Variants in NRG3 observed in about 807,000 individuals in gnomAD.
NRG3 encodes the protein neuregulin 3.
Under a neutral mutation model 66.9 loss-of-function variants are expected in NRG3, and 31 were observed. The ratio of observed to expected loss-of-function variants is 0.46; its 90% confidence interval spans 0.35 to 0.63. The LOEUF is 0.63. Among genes scored for constraint, NRG3 ranks in the 20% least tolerant of loss-of-function variants. NRG3 has a pLI of 0.00. For missense variants in NRG3, 910 were observed against 878.9 expected (o/e 1.04, Z -0.45); for synonymous variants, 393 against 359.4 (o/e 1.09, Z -1.06).
intron 2 of NRG3, among the ~76,000 whole-genome samples, chr10:82,471,292 C>T (rs921686401): frequency 3.9e-5 from 6 of 152,118 alleles, no homozygotes; most frequent in African/African-American, 1.2e-4. Context: ...CCCCTACAAA[C>T]GGTCCGAACT....
chr10:82,635,195 A>G (rs1246194786), intron 2 of NRG3, among the ~76,000 whole-genome samples: 1 of 152,112 alleles, frequency 6.6e-6, no homozygotes, highest in African/African-American at 2.4e-5. Context: ...GTCTTTTACT[A>G]CCACCTTCGT....
rs1432057043 is a variant in NRG3 at position 82,467,252 on chromosome 10, G to T, written c.953+108384G>T. ...CTACTCAAACATTTGCTATTATGAT[G>T]TGGCAGGGAAAATTGTGAAGTATTA... On this transcript the variant is annotated intron_variant, in intron 2 of 8. Transcript: ENST00000372141. Among the ~76,000 whole-genome samples, 5 of 152,150 alleles carry T rather than the reference G, an allele frequency of 3.3e-5. No homozygotes were observed. In the East Asian group the frequency reaches 7.7e-4, roughly 23 times the overall value.
At chr10:81,978,264 G>C (rs1242049846) in intron 1 of NRG3, among the ~76,000 whole-genome samples, 4 of 152,120 alleles carry the variant, frequency 2.6e-5, no homozygotes, top group Non-Finnish European at 5.9e-5. Context: ...TATAGATTTT[G>C]ATAGTGGGAT....
rs1182879064 is a variant in NRG3, at chr10:82,050,728, C to T, written c.823+174565C>T. 2.7e-5 allele frequency among the ~76,000 whole-genome samples: 4 copies of T among 149,952 alleles called. 1 individual carries two copies. Among genetic ancestry groups the T allele is most frequent in the African/African-American group, 9.7e-5 (4 of 41,136 alleles). On this transcript the variant is annotated intron_variant, in intron 1 of 8. Transcript: ENST00000372141. ...GGCTGCCAACCAGGTACCACTTTAACCACCAAGACTCTGATAATGTCTCGT... is the reference window on the plus strand; with the variant it reads ...GGCTGCCAACCAGGTACCACTTTAATCACCAAGACTCTGATAATGTCTCGT...
intron 2 of NRG3, among the ~76,000 whole-genome samples, chr10:82,399,691 C>T (rs911198539): frequency 3.3e-5 from 5 of 152,144 alleles, no homozygotes; most frequent in South Asian, 2.1e-4. Flanking sequence ...ACAAAAGCTT[C>T]GCCTCTTAGT....
chr10:81,910,265 CT>C (rs758944878), intron 1 of NRG3, among the ~76,000 whole-genome samples: 18 of 152,262 alleles, frequency 1.2e-4, no homozygotes, highest in Non-Finnish European at 2.2e-4. Flanking sequence ...TCAGCTCTAG[CT>C]TGCAGAGAAG....
chr10:81,989,270 G>A (rs993836506), intron 1 of NRG3, among the ~76,000 whole-genome samples: 1 of 152,070 alleles, frequency 6.6e-6, no homozygotes, highest in Non-Finnish European at 1.5e-5. Flanking sequence ...AACTTGCTAA[G>A]TATACAGTTG....
chr10:82,358,143 G>A (rs1267526683), intron 1 of NRG3, among the ~76,000 whole-genome samples: 2 of 152,056 alleles, frequency 1.3e-5, no homozygotes, highest in Non-Finnish European at 2.9e-5. Flanking sequence ...GGCAATAATT[G>A]GTCCTGTTAA....
Position 82,899,823 on chromosome 10 carries a change from G to A in NRG3, c.1054+34386G>A, listed in dbSNP as rs115455322. The stretch of plus-strand genomic sequence containing the variant: ...TCCTCAAGTACTAATAGGCAGGTCT[G>A]CTCTAAGAATAGTAGAAGGTAGAAG... On this transcript the variant is annotated intron_variant, in intron 4 of 8. Transcript: ENST00000372141. Among the ~76,000 whole-genome samples, 1,048 of 152,254 alleles carry A rather than the reference G, an allele frequency of 6.9e-3. 13 individuals are homozygous for A. The highest frequency in any genetic ancestry group is 0.024 in the African/African-American group (987 of 41,534).
chr10:82,485,393 T>C (rs1055149464), intron 2 of NRG3, among the ~76,000 whole-genome samples: 1 of 151,222 alleles, frequency 6.6e-6, no homozygotes, highest in Non-Finnish European at 1.5e-5. Flanking sequence ...TGTCAATAGA[T>C]TTTAGCACCA....
intron 6 of NRG3, among the ~76,000 whole-genome samples, chr10:82,971,297 C>G (rs539883595): frequency 2.0e-5 from 3 of 152,182 alleles, no homozygotes; most frequent in East Asian, 3.9e-4. Flanking sequence ...TTCTCTTTAT[C>G]AAAATCTAAA....
chr10:82,047,014 A>G (rs2063331632), intron 1 of NRG3, among the ~76,000 whole-genome samples: 1 of 126,390 alleles, frequency 7.9e-6, no homozygotes, highest in Non-Finnish European at 1.9e-5. Context: ...CATCAAGGAT[A>G]TTGGTCTAAA....
chr10:82,048,244 A>C (rs1239887535), intron 1 of NRG3, among the ~76,000 whole-genome samples: 2 of 152,004 alleles, frequency 1.3e-5, no homozygotes, highest in African/African-American at 4.8e-5. Flanking sequence ...CTGCACCAAG[A>C]GGACCTAATA....
intron 1 of NRG3, among the ~76,000 whole-genome samples, chr10:82,086,700 A>C (rs945055630): frequency 1.3e-5 from 2 of 152,094 alleles, no homozygotes; most frequent in African/African-American, 4.8e-5. Flanking sequence ...TATGCATTGG[A>C]TCTTGGGCAG....
intron 1 of NRG3, among the ~76,000 whole-genome samples, chr10:82,127,662 C>T (rs2068534788): frequency 6.6e-6 from 1 of 151,976 alleles, no homozygotes; most frequent in Non-Finnish European, 1.5e-5. Flanking sequence ...TCCTTCTTCC[C>T]AGTTGGTGCC....
At chr10:81,891,701 T>C (rs1843024551) in intron 1 of NRG3, among the ~76,000 whole-genome samples, 1 of 152,192 alleles carries the variant, frequency 6.6e-6, no homozygotes, top group African/African-American at 2.4e-5. Flanking sequence ...GGGGGAAAAG[T>C]AATTAAGACA....
intron 1 of NRG3, among the ~76,000 whole-genome samples, chr10:82,350,685 G>A (rs1196387898): frequency 2.0e-5 from 3 of 152,140 alleles, no homozygotes; most frequent in Non-Finnish European, 2.9e-5. Flanking sequence ...TCTAAAAGTC[G>A]CCATATGTGT....
intron 1 of NRG3, among the ~76,000 whole-genome samples, chr10:82,128,752 G>GT (rs11458432): frequency 0.61 from 92,788 of 151,250 alleles, 29,612 homozygotes; most frequent in Middle Eastern, 0.75. Flanking sequence ...AATTTCTGGG[G>GT]TTTTTTTTGT....
intron 2 of NRG3, among the ~76,000 whole-genome samples, chr10:82,580,215 T>C (rs1265005026): frequency 1.3e-5 from 2 of 151,996 alleles, no homozygotes; most frequent in Non-Finnish European, 2.9e-5. Flanking sequence ...TACTGCATCA[T>C]GTTTACTTTT....
Sources: allele counts gnomAD v4.1 joint callset (sites outside exome capture counted in the v4.1 genomes callset), GRCh38; gene constraint gnomAD v4.1.1; transcripts MANE v1.5; gene names NCBI Gene and HGNC (gene_info 2026-07-23, HGNC 2026-07-21).